Variants in FHAD1 observed in about 807,000 individuals in gnomAD.
FHAD1 encodes the protein forkhead-associated domain-containing protein 1.
A neutral mutation model predicts 191.3 loss-of-function variants in FHAD1; 146 were observed. The observed-to-expected ratio is 0.76, with a 90% CI of 0.67 to 0.88. FHAD1 has a LOEUF of 0.88. Ranked by LOEUF, FHAD1 falls within the 40% of genes least tolerant of loss-of-function variation. The pLI is 0.00. For synonymous variants in FHAD1, 616 were observed against 672.3 expected (o/e 0.92, Z 1.29); for missense variants, 1,635 against 1,785.8 (o/e 0.92, Z 1.52).
Position 15,397,422 on chromosome 1 carries a change from C to A in FHAD1, c.*9C>A. On this transcript the variant is annotated 3_prime_UTR_variant, in exon 34 of 34. Coordinates refer to ENST00000688493, the MANE Select transcript of FHAD1 (RefSeq NM_001391957.1). ...CCAGTGGAAAGTACTAGAGAAACCT[C>A]GTCCCACCAGGCCTCATGTGATCCT... The A allele has an allele frequency of 7.0e-7, 1 of 1,434,774 alleles. No individual in the cohort carries two copies. The highest frequency in any genetic ancestry group is 9.5e-7 in the Non-Finnish European group (1 of 1,052,728). The allele number at this position is 1,434,774 out of a possible 1,614,324, so 88.9% of individuals were successfully genotyped here. A position where few individuals can be genotyped will look rare whatever the true frequency, so the allele number is the denominator to read the frequency against.
Position 15,328,377 on chromosome 1 carries a change from A to T in FHAD1, c.1658A>T (p.Glu553Val). 6.7e-7 allele frequency: 1 copy of T among 1,485,392 alleles called. No individual in the cohort carries two copies. The highest frequency in any genetic ancestry group is 1.3e-5 in the South Asian group (1 of 77,328). The allele number at this position is 1,485,392 out of a possible 1,614,324, so 92.0% of individuals were successfully genotyped here. A position where few individuals can be genotyped will look rare whatever the true frequency, so the allele number is the denominator to read the frequency against. ...KETQLSNSKQ[E>V]ETTENIEKLR... is the part of the protein sequence containing the mutation. The stretch of plus-strand genomic sequence containing the variant: ...ACCCAGCTGAGCAACTCCAAGCAGG[A>T]GGAGACCACCGAGAACATCGAGAAG... The change falls in exon 13 of 34, where the codon GAG becomes GTG. Residue 553 changes from glutamate (E) to valine (V), a missense_variant. Coordinates refer to ENST00000688493, the MANE Select transcript of FHAD1 (RefSeq NM_001391957.1).
At chr1:15,358,942 C>T (rs1030312834) in intron 21 of FHAD1, among the ~76,000 whole-genome samples, 7 of 151,956 alleles carry the variant, frequency 4.6e-5, no homozygotes, top group Admixed American at 3.9e-4. Flanking sequence ...CTGACCTTGG[C>T]GGGAGCTGGG....
chr1:15,279,759 A>G (rs1659877233), intron 3 of FHAD1, among the ~76,000 whole-genome samples: 1 of 151,970 alleles, frequency 6.6e-6, no homozygotes, highest in South Asian at 2.1e-4. Flanking sequence ...GGCCAGAGAC[A>G]TGGAATGCTC....
At chr1:15,255,047 T>TTCAACAG (rs1174469131) in intron 2 of FHAD1, among the ~76,000 whole-genome samples, 1 of 151,596 alleles carries the variant, frequency 6.6e-6, no homozygotes, top group Non-Finnish European at 1.5e-5. Context: ...CGAGTAATAA[T>TTCAACAG]TCAACAGTCA....
chr1:15,324,638 G>A, intron 11 of FHAD1, 79 bp downstream of exon 11: 2 of 1,002,542 alleles, frequency 2.0e-6, no homozygotes, highest in Non-Finnish European at 1.5e-6. Context: ...GGGTGAGAGA[G>A]GAGGACGCCC....
intron 2 of FHAD1, among the ~76,000 whole-genome samples, chr1:15,265,850 A>G (rs1051014238): frequency 3.3e-5 from 5 of 151,408 alleles, no homozygotes; most frequent in Admixed American, 6.6e-5. Flanking sequence ...GTGCCCCTGT[A>G]ATCCCAGCTA....
chr1:15,305,341 A>ATGGC lies in FHAD1; in HGVS notation c.916-3271_916-3268dup, dbSNP rs555615717. ...CTTCACACAGAGACGGATTTTGCAG[A>ATGGC]TGGCAGTCTGGCTCCTGAGTCCCTA... On this transcript the variant is annotated intron_variant, in intron 6 of 33. Coordinates refer to ENST00000688493, the MANE Select transcript of FHAD1 (RefSeq NM_001391957.1). Among the ~76,000 whole-genome samples, 594 of 152,286 alleles carry ATGGC rather than the reference A, an allele frequency of 3.9e-3. 1 individual carries two copies. The highest frequency in any genetic ancestry group is 6.8e-3 in the Middle Eastern group (2 of 294).
At position 15,360,983 on chromosome 1, in the gene FHAD1, C is replaced by T. The variant is rs144349009; in HGVS notation, c.2962+280C>T. On this transcript the variant is annotated intron_variant, in intron 22 of 33. Transcript: ENST00000688493. ...CCGGGGCTGTCAGGGCCAGCGAGGGCAGCGCGAAGTGGAATCATCTTTTCC... is the reference window on the plus strand; with the variant it reads ...CCGGGGCTGTCAGGGCCAGCGAGGGTAGCGCGAAGTGGAATCATCTTTTCC... Among the ~76,000 whole-genome samples, 10 of 152,290 alleles carry T rather than the reference C, an allele frequency of 6.6e-5. No individual in the cohort carries two copies. In the East Asian group the frequency reaches 1.9e-3, roughly 29 times the overall value.
At chr1:15,306,005 A>G (rs1670376567) in intron 6 of FHAD1, among the ~76,000 whole-genome samples, 1 of 152,222 alleles carries the variant, frequency 6.6e-6, no homozygotes, top group Admixed American at 6.5e-5. Flanking sequence ...GAGGGCTCAG[A>G]AGAAGAGAGG....
At chr1:15,309,130 C>T (rs150248478) in intron 7 of FHAD1, among the ~76,000 whole-genome samples, 44 of 152,280 alleles carry the variant, frequency 2.9e-4, no homozygotes, top group Middle Eastern at 3.4e-3. Context: ...TTTAAGGCAC[C>T]CAGCCTCTTA....
intron 26 of FHAD1, among the ~76,000 whole-genome samples, chr1:15,371,514 A>G (rs1698081366): frequency 6.6e-6 from 1 of 152,184 alleles, no homozygotes; most frequent in East Asian, 1.9e-4. Flanking sequence ...CCAAATAAAT[A>G]AATTCCCAGC....
At chr1:15,308,775 G>T in intron 7 of FHAD1, 39 bp downstream of exon 7, 1 of 1,549,832 alleles carries the variant, frequency 6.5e-7, no homozygotes, top group South Asian at 1.2e-5. Context: ...TGCCACTCCC[G>T]CACCCGTTGT....
chr1:15,247,305 C>CG lies in FHAD1; in HGVS notation c.-102dup. 1 of 207,326 alleles carries CG rather than the reference C, an allele frequency of 4.8e-6. No individual in the cohort carries two copies. The highest frequency in any genetic ancestry group is 1.0e-5 in the Non-Finnish European group (1 of 95,638). 12.8% of individuals were successfully genotyped at this position (207,326 alleles called of 1,614,324 possible). On this transcript the variant is annotated 5_prime_UTR_variant, in exon 1 of 34. Coordinates refer to ENST00000688493, the MANE Select transcript of FHAD1 (RefSeq NM_001391957.1). ...GCTGGAGACTCCGCGGGAGCGCGGC[C>CG]GGGAGGCTTCGCCCCGGAGCTGGCC...
chr1:15,280,246 C>T (rs1347197165), intron 3 of FHAD1, among the ~76,000 whole-genome samples: 6 of 152,162 alleles, frequency 3.9e-5, no homozygotes, highest in East Asian at 1.9e-4. Flanking sequence ...TCAGAAGAAA[C>T]GTCTCGATAG....
chr1:15,393,430 G>A (rs112995540), intron 33 of FHAD1, among the ~76,000 whole-genome samples: 408 of 146,826 alleles, frequency 2.8e-3, no homozygotes, highest in South Asian at 0.013. Flanking sequence ...ACACACACAC[G>A]CACACACACA....
Position 15,272,377 on chromosome 1 carries a change from A to C in FHAD1, c.148A>C (p.Ser50Arg). Residue 50 changes from serine (S) to arginine (R), a missense_variant, in exon 3 of 34, where the codon AGC becomes CGC. Ser to Arg is a moderately radical substitution (Grantham distance 110). Transcript: ENST00000688493. ...ALIEYNEAEC[S>R]FVLQDFNSRN... ...CATTGAATATAACGAGGCGGAGTGC[A>C]GCTTTGTTCTCCAGGACTTCAATTC... 1.3e-6 allele frequency: 2 copies of C among 1,551,720 alleles called. No individual in the cohort carries two copies. Among genetic ancestry groups the C allele is most frequent in the African/African-American group, 1.4e-5 (1 of 73,154 alleles).
rs561286671 is a variant in FHAD1, at chr1:15,314,198, G to A, written c.1170+1011G>A. Among the ~76,000 whole-genome samples the A allele has an allele frequency of 4.2e-3, 633 of 152,260 alleles. 5 individuals are homozygous for A. Among genetic ancestry groups the A allele is most frequent in the Admixed American group, 6.0e-3 (92 of 15,302 alleles). On this transcript the variant is annotated intron_variant, in intron 8 of 33. Coordinates refer to ENST00000688493, the MANE Select transcript of FHAD1 (RefSeq NM_001391957.1). ...AGATGTGTCTGTTTCGGTGAGTCAA[G>A]GTAAAACCTAACAGCTTTCATCTCA...
intron 28 of FHAD1, among the ~76,000 whole-genome samples, chr1:15,378,493 C>T (rs377056724): frequency 8.5e-5 from 13 of 152,276 alleles, no homozygotes; most frequent in South Asian, 4.1e-4. Context: ...ACCCTCCCTC[C>T]GGACTCCTGC....
At chr1:15,333,850 T>TTTTTTTTTTTTTTTTTTC (rs1682818189) in intron 14 of FHAD1, among the ~76,000 whole-genome samples, 1 of 131,858 alleles carries the variant, frequency 7.6e-6, no homozygotes, top group Non-Finnish European at 1.6e-5. Context: ...TTTTTTTTTT[T>TTTTTTTTTTTTTTTTTTC]GAGTAAAAGT....
Sources: gnomAD v4.1 joint callset for allele counts (sites outside exome capture counted in the v4.1 genomes callset) on GRCh38, gnomAD v4.1.1 for gene constraint, MANE v1.5 for transcripts, NCBI Gene and HGNC (gene_info 2026-07-23, HGNC 2026-07-21) for gene names.